Variants in GLYATL2 observed in about 807,000 individuals in gnomAD.
GLYATL2 encodes the protein glycine-N-acyltransferase like 2.
Under a neutral mutation model 21.4 loss-of-function variants are expected in GLYATL2, and 25 were observed. The observed-to-expected ratio is 1.17, with a 90% CI of 0.85 to 1.63. GLYATL2 has a LOEUF of 1.63. GLYATL2 is among the 40% of genes most tolerant of loss of function. The pLI is 0.00. For synonymous variants in GLYATL2, 114 were observed against 118.2 expected, an observed-to-expected ratio of 0.96 and a Z score of 0.23; for missense variants, 361 against 343.3, an observed-to-expected ratio of 1.05 and a Z score of -0.41.
At position 58,898,045 on chromosome 11, in the gene GLYATL2, TA is replaced by T. The variant is rs1229258759; in HGVS notation, n.60+6110del. Among the ~76,000 whole-genome samples, 69 of 152,246 alleles carry T rather than the reference TA, an allele frequency of 4.5e-4. 2 individuals are homozygous for T. The highest frequency in any genetic ancestry group is 2.9e-5 in the Non-Finnish European group (2 of 68,038). ...TCACTTATCCATCAAGTTCTCTTAT[TA>T]ACTTAATTATCCATAATATTCCCTT... On this transcript the variant is annotated intron_variant and non_coding_transcript_variant, in intron 1 of 4. Transcript: ENST00000533636.
chr11:58,863,463 T>G (rs1853967913), intron 1 of GLYATL2, among the ~76,000 whole-genome samples: 1 of 152,182 alleles, frequency 6.6e-6, no homozygotes, highest in Non-Finnish European at 1.5e-5. Flanking sequence ...TCATCCATGA[T>G]GGCCAGCCTA....
At chr11:58,836,916 A>G (rs1177368316) in intron 5 of GLYATL2, 99 bp downstream of exon 5, 2 of 1,022,940 alleles carry the variant, frequency 2.0e-6, no homozygotes, top group Non-Finnish European at 3.0e-6. Flanking sequence ...TGTGTAGCCC[A>G]TCATAATTTA....
At chr11:58,907,082 G>A (rs1412435281), upstream of GLYATL2, among the ~76,000 whole-genome samples, 1 of 152,156 alleles carries the variant, frequency 6.6e-6, no homozygotes, top group Non-Finnish European at 1.5e-5. Flanking sequence ...ACAGGGAGAG[G>A]GTTGGAGGAA....
rs199708050 is a variant in GLYATL2 at position 58,856,124 on chromosome 11, ACT to A, written n.61-17758_61-17757del. Among the ~76,000 whole-genome samples the A allele has an allele frequency of 5.4e-3, 814 of 151,884 alleles. 9 individuals carry two copies. The highest frequency in any genetic ancestry group is 0.019 in the African/African-American group (785 of 41,394). On this transcript the variant is annotated intron_variant and non_coding_transcript_variant, in intron 1 of 4. Transcript: ENST00000533636. ...ATTCCAGCCTGAGCAACAGAGTGAA[ACT>A]CTGTCTAAAAGAAAAAAAAAAGAAA...
chr11:58,890,629 T>A (rs184422706), intron 1 of GLYATL2, among the ~76,000 whole-genome samples: 126 of 152,254 alleles, frequency 8.3e-4, no homozygotes, highest in African/African-American at 2.9e-3. Flanking sequence ...TTTCTGTTTT[T>A]TTGAAAGTCA....
At chr11:58,838,976 A>C (rs1853494363) in intron 2 of GLYATL2, among the ~76,000 whole-genome samples, 1 of 152,202 alleles carries the variant, frequency 6.6e-6, no homozygotes, top group Non-Finnish European at 1.5e-5. Flanking sequence ...AGAGCAAGTT[A>C]TTACAAGTAG....
At chr11:58,872,700 G>A (rs534111454) in intron 1 of GLYATL2, among the ~76,000 whole-genome samples, 5 of 152,344 alleles carry the variant, frequency 3.3e-5, no homozygotes, top group African/African-American at 4.8e-5. Flanking sequence ...TTGTAGTATA[G>A]TTTGAAGTCA....
intron 1 of GLYATL2, among the ~76,000 whole-genome samples, chr11:58,895,914 C>A (rs374165481): frequency 2.0e-5 from 3 of 151,450 alleles, no homozygotes; most frequent in African/African-American, 7.3e-5. Flanking sequence ...AATGCAGTGG[C>A]ACGATCTCGG....
At chr11:58,884,849 T>A (rs760960265) in intron 1 of GLYATL2, 27 of 164,586 alleles carry the variant, frequency 1.6e-4, no homozygotes, top group Non-Finnish European at 3.4e-4. Flanking sequence ...ATGTATAAAG[T>A]GCATTTTAAA....
chr11:58,872,355 T>C (rs1854138624), intron 1 of GLYATL2, among the ~76,000 whole-genome samples: 1 of 152,244 alleles, frequency 6.6e-6, no homozygotes, highest in African/African-American at 2.4e-5. Context: ...ATGAAGTCCT[T>C]GCCCATGCCT....
chr11:58,861,443 T>C (rs1242796882), intron 1 of GLYATL2, among the ~76,000 whole-genome samples: 1 of 152,022 alleles, frequency 6.6e-6, no homozygotes, highest in Non-Finnish European at 1.5e-5. Context: ...TGTATGATTT[T>C]ATTTTTATCT....
rs1456514665 is a variant in GLYATL2 at position 58,865,049 on chromosome 11, G to T, written n.61-26681C>A. Among the ~76,000 whole-genome samples the T allele has an allele frequency of 1.3e-5, 2 of 148,710 alleles. 1 individual carries two copies. Among genetic ancestry groups the T allele is most frequent in the Non-Finnish European group, 3.0e-5 (2 of 67,148 alleles). On this transcript the variant is annotated intron_variant and non_coding_transcript_variant, in intron 1 of 4. Coordinates refer to the GLYATL2 transcript ENST00000533636. The stretch of plus-strand genomic sequence containing the variant: ...TGTTTATGGCATAGGTTGTGTTGAT[G>T]GTTTCATGAGTATGTATTCATCTCT...
chr11:58,898,789 C>T (rs890456109), intron 1 of GLYATL2, among the ~76,000 whole-genome samples: 30 of 151,980 alleles, frequency 2.0e-4, no homozygotes, highest in Admixed American at 7.2e-4. Flanking sequence ...GCCGAGATCG[C>T]GCCACTGCAC....
intron 1 of GLYATL2, among the ~76,000 whole-genome samples, chr11:58,858,789 T>C (rs980538282): frequency 6.6e-6 from 1 of 152,236 alleles, no homozygotes; most frequent in Non-Finnish European, 1.5e-5. Flanking sequence ...CAGGAATACC[T>C]ACAGCTTCTG....
intron 1 of GLYATL2, among the ~76,000 whole-genome samples, chr11:58,880,422 G>T (rs1358079912): frequency 6.6e-6 from 1 of 152,120 alleles, no homozygotes; most frequent in Non-Finnish European, 1.5e-5. Flanking sequence ...ATTAGTGTGG[G>T]GGTTGTTCTC....
At chr11:58,859,695 A>C (rs1439899420) in intron 1 of GLYATL2, among the ~76,000 whole-genome samples, 1 of 152,158 alleles carries the variant, frequency 6.6e-6, no homozygotes, top group Admixed American at 6.5e-5. Context: ...CATTGCCCCA[A>C]CTAATATCAG....
chr11:58,888,209 G>A (rs1854476545), intron 1 of GLYATL2, among the ~76,000 whole-genome samples: 1 of 151,974 alleles, frequency 6.6e-6, no homozygotes, highest in Admixed American at 6.6e-5. Flanking sequence ...TTGGATACTA[G>A]GGATACTAAC....
intron 1 of GLYATL2, among the ~76,000 whole-genome samples, chr11:58,843,250 T>C (rs1853584983): frequency 6.6e-6 from 1 of 152,186 alleles, no homozygotes; most frequent in Non-Finnish European, 1.5e-5. Context: ...ATTTCCAAAA[T>C]CACTTTTTAG....
At chr11:58,881,292 T>C (rs1854329622) in intron 1 of GLYATL2, among the ~76,000 whole-genome samples, 1 of 152,112 alleles carries the variant, frequency 6.6e-6, no homozygotes, top group Non-Finnish European at 1.5e-5. Context: ...AAAAAAGAAG[T>C]AGGAGACAGA....
Sources: allele counts gnomAD v4.1 joint callset (sites outside exome capture counted in the v4.1 genomes callset), GRCh38; gene constraint gnomAD v4.1.1; transcripts MANE v1.5; gene names NCBI Gene and HGNC (gene_info 2026-07-23, HGNC 2026-07-21).